Variants in SYT1 observed in about 807,000 individuals in gnomAD.
SYT1 encodes the protein synaptotagmin-1.
Under a neutral mutation model 44.8 loss-of-function variants are expected in SYT1, and 8 were observed. The ratio of observed to expected loss-of-function variants is 0.18; its 90% CI spans 0.10 to 0.32. The LOEUF (loss-of-function observed/expected upper bound fraction) is 0.32, where lower values mean the gene tolerates loss of function less well. SYT1 is among the 10% of genes least tolerant of loss of function. SYT1 has a pLI of 1.00. For synonymous variants in SYT1, 154 were observed against 188.8 expected (o/e 0.82, Z 1.51); for missense variants, 286 against 509.3 (o/e 0.56, Z 4.22).
chr12:79,324,485 T>C (rs1881519658), intron 8 of SYT1, among the ~76,000 whole-genome samples: 1 of 152,130 alleles, frequency 6.6e-6, no homozygotes, highest in Non-Finnish European at 1.5e-5. Context: ...ACACACTGAG[T>C]GGGCCATTGT....
intron 4 of SYT1, among the ~76,000 whole-genome samples, chr12:79,226,138 T>C (rs1015839845): frequency 7.2e-6 from 1 of 138,996 alleles, no homozygotes; most frequent in African/African-American, 2.8e-5. Context: ...TTTGAGGCCT[T>C]AATATGCTGA....
intron 3 of SYT1, among the ~76,000 whole-genome samples, chr12:79,169,220 G>A (rs868065406): frequency 6.6e-6 from 1 of 151,826 alleles, no homozygotes; most frequent in East Asian, 1.9e-4. Context: ...TTTCTTTATG[G>A]CTCCAAAAAT....
intron 3 of SYT1, among the ~76,000 whole-genome samples, chr12:79,104,821 G>T (rs942666442): frequency 2.0e-5 from 3 of 152,028 alleles, no homozygotes; most frequent in African/African-American, 4.8e-5. Context: ...AGAGAATGGG[G>T]CCTTTTTGTG....
chr12:79,125,031 GTTTGGTTTGGTTTGA>G (rs770387542), intron 3 of SYT1, among the ~76,000 whole-genome samples: 1 of 151,974 alleles, frequency 6.6e-6, no homozygotes, highest in Non-Finnish European at 1.5e-5. Flanking sequence ...GTTTGGTTTG[GTTTGGTTTGGTTTGA>G]TTTGGTTTGG....
rs1871074066 is a variant in SYT1, at chr12:79,451,812, G to A, written c.*2688G>A. On this transcript the variant is annotated 3_prime_UTR_variant, in exon 11 of 11. Transcript: ENST00000261205. ...TTTCCCTGTATCTTGTAGAAATGTT[G>A]GGGTGTTTTCCTCTGCCATATGGCT... The A allele has an allele frequency of 6.6e-6, 1 of 152,088 alleles. No individual in the cohort carries two copies. The highest frequency in any genetic ancestry group is 1.5e-5 in the Non-Finnish European group (1 of 68,026). 9.4% of individuals were successfully genotyped at this position (152,088 alleles called of 1,614,324 possible).
intron 1 of SYT1, among the ~76,000 whole-genome samples, chr12:78,963,140 C>A (rs967426133): frequency 6.6e-6 from 1 of 151,912 alleles, no homozygotes; most frequent in African/African-American, 2.4e-5. Context: ...ATAGGAATTC[C>A]TTCTCCTTGA....
intron 8 of SYT1, among the ~76,000 whole-genome samples, chr12:79,332,813 G>A (rs1042456754): frequency 2.6e-5 from 4 of 152,018 alleles, no homozygotes; most frequent in Admixed American, 2.6e-4. Context: ...CTTAATCTAT[G>A]TGTCTACATT....
intron 5 of SYT1, among the ~76,000 whole-genome samples, chr12:79,287,607 TC>T (rs1181714981): frequency 6.6e-6 from 1 of 152,164 alleles, no homozygotes; most frequent in East Asian, 1.9e-4. Flanking sequence ...GAATGTGGTT[TC>T]CCTGTGTTCT....
At chr12:79,099,741 G>A (rs1174463555) in intron 3 of SYT1, among the ~76,000 whole-genome samples, 1 of 152,046 alleles carries the variant, frequency 6.6e-6, no homozygotes, top group Non-Finnish European at 1.5e-5. Context: ...TGTACTGTGT[G>A]ATTTTATAAA....
chr12:79,216,024 C>T (rs1182865435), intron 3 of SYT1, among the ~76,000 whole-genome samples: 8 of 141,028 alleles, frequency 5.7e-5, no homozygotes, highest in African/African-American at 8.0e-5. Flanking sequence ...CTCTGCCTCC[C>T]GGGTTCAAGC....
intron 8 of SYT1, among the ~76,000 whole-genome samples, chr12:79,311,183 C>T (rs1354022221): frequency 3.3e-5 from 5 of 152,100 alleles, no homozygotes; most frequent in African/African-American, 4.8e-5. Context: ...TTTTGAGATA[C>T]GTCCCCATCA....
chr12:79,163,917 T>C (rs1871097719), intron 3 of SYT1, among the ~76,000 whole-genome samples: 1 of 152,098 alleles, frequency 6.6e-6, no homozygotes, highest in South Asian at 2.1e-4. Context: ...GAGCTCAACA[T>C]ACACCTTCAT....
At chr12:79,274,241 A>G (rs1267598922) in intron 4 of SYT1, among the ~76,000 whole-genome samples, 4 of 152,206 alleles carry the variant, frequency 2.6e-5, no homozygotes, top group Admixed American at 1.3e-4. Flanking sequence ...GGGTCAATCC[A>G]GGAAGGGTGT....
intron 3 of SYT1, among the ~76,000 whole-genome samples, chr12:79,159,599 T>C (rs1870821470): frequency 6.6e-6 from 1 of 152,168 alleles, no homozygotes; most frequent in African/African-American, 2.4e-5. Context: ...TTAAACTTTA[T>C]CATAGGTATG....
chr12:79,312,502 A>G (rs951300499), intron 8 of SYT1, among the ~76,000 whole-genome samples: 43 of 152,036 alleles, frequency 2.8e-4, no homozygotes, highest in Non-Finnish European at 5.1e-4. Flanking sequence ...TTAAGCTAGA[A>G]TTTTCCCTTT....
chr12:79,148,843 C>T (rs955475614), intron 3 of SYT1, among the ~76,000 whole-genome samples: 3 of 152,068 alleles, frequency 2.0e-5, no homozygotes, highest in Admixed American at 6.5e-5. Flanking sequence ...TCGAGATTAC[C>T]GATTGGCTTT....
intron 4 of SYT1, among the ~76,000 whole-genome samples, chr12:79,268,613 G>T (rs1476949690): frequency 6.6e-6 from 1 of 152,172 alleles, no homozygotes; most frequent in African/African-American, 2.4e-5. Flanking sequence ...CAAGTCAATG[G>T]CTTGGAGCAT....
intron 3 of SYT1, among the ~76,000 whole-genome samples, chr12:79,197,709 C>T (rs931487142): frequency 1.3e-5 from 2 of 152,122 alleles, no homozygotes; most frequent in Non-Finnish European, 2.9e-5. Context: ...ATCAGTTTCA[C>T]ATTATCTTTT....
At chr12:78,880,054 A>G (rs1219783300) in intron 1 of SYT1, among the ~76,000 whole-genome samples, 1 of 151,600 alleles carries the variant, frequency 6.6e-6, no homozygotes, top group East Asian at 1.9e-4. Context: ...AGTGACCTGT[A>G]TTTTCCCTTT....
Sources: allele counts gnomAD v4.1 joint callset (sites outside exome capture counted in the v4.1 genomes callset), GRCh38; gene constraint gnomAD v4.1.1; transcripts MANE v1.5; gene names NCBI Gene and HGNC (gene_info 2026-07-23, HGNC 2026-07-21).